The following PRKN variants were observed in gnomAD, a reference collection of about 807,000 sequenced individuals.
PRKN encodes the protein E3 ubiquitin-protein ligase parkin.
In PRKN, 56 loss-of-function variants were observed where a neutral mutation model predicts 59.5. That is an observed-to-expected ratio of 0.94 (90% CI 0.76 to 1.18). PRKN has a LOEUF of 1.18. PRKN is among the 50% of genes most tolerant of loss of function. PRKN has a pLI of 0.00. For synonymous variants in PRKN, 250 were observed against 222.1 expected (o/e 1.13, Z -1.12); for missense variants, 657 against 596.4 (o/e 1.10, Z -1.06).
intron 2 of PRKN, among the ~76,000 whole-genome samples, chr6:162,435,967 AC>A (rs1223585308): frequency 6.6e-6 from 1 of 152,038 alleles, no homozygotes; most frequent in East Asian, 1.9e-4. Flanking sequence ...CTAAATTGAT[AC>A]TAGCCTCTTT....
At chr6:162,676,389 T>G (rs1779544719) in intron 1 of PRKN, among the ~76,000 whole-genome samples, 1 of 152,176 alleles carries the variant, frequency 6.6e-6, no homozygotes, top group African/African-American at 2.4e-5. Context: ...AAATAAAACT[T>G]TATTGTCAGA....
At chr6:162,235,093 A>G (rs1778591533) in intron 3 of PRKN, among the ~76,000 whole-genome samples, 1 of 152,182 alleles carries the variant, frequency 6.6e-6, no homozygotes, top group African/African-American at 2.4e-5. Context: ...TACAAAGGAA[A>G]CTAGCTGAAT....
intron 4 of PRKN, among the ~76,000 whole-genome samples, chr6:162,106,799 G>A (rs1780210220): frequency 1.3e-5 from 2 of 152,260 alleles, no homozygotes; most frequent in East Asian, 1.9e-4. Context: ...GTCATTTCCT[G>A]TGTTACTCAG....
intron 6 of PRKN, among the ~76,000 whole-genome samples, chr6:161,922,934 C>T (rs149182319): frequency 3.9e-4 from 60 of 152,322 alleles, no homozygotes; most frequent in African/African-American, 1.0e-3. Flanking sequence ...TCATATTTCA[C>T]AATTGCAGTT....
chr6:162,047,306 A>G (rs1784289828), intron 5 of PRKN, among the ~76,000 whole-genome samples: 2 of 152,166 alleles, frequency 1.3e-5, no homozygotes, highest in Non-Finnish European at 2.9e-5. Flanking sequence ...CTTTGACCAC[A>G]GTGGGACCCC....
intron 4 of PRKN, among the ~76,000 whole-genome samples, chr6:162,102,110 G>A (rs1262751518): frequency 2.6e-5 from 4 of 152,152 alleles, no homozygotes; most frequent in Admixed American, 1.3e-4. Flanking sequence ...GTGCCACGGT[G>A]GTTTGCTGCC....
At chr6:161,779,413 C>CTTTTTTTT (rs1049372571) in intron 7 of PRKN, among the ~76,000 whole-genome samples, 1 of 90,908 alleles carries the variant, frequency 1.1e-5, no homozygotes, top group Admixed American at 1.1e-4. Context: ...CCTTTCTTTT[C>CTTTTTTTT]TTTTTTTTCT....
rs1014636403 is a variant in PRKN, at chr6:161,545,730, T to G, written c.1083+3124A>C. ...ATATATGCTATAGGGAGCCCACAGATGTAGCTTTAGATTTTCTAGCAGTCA... is the reference window on the plus strand; with the variant it reads ...ATATATGCTATAGGGAGCCCACAGAGGTAGCTTTAGATTTTCTAGCAGTCA... On this transcript the variant is annotated intron_variant, in intron 9 of 11. Transcript: ENST00000366898. This position sits in a 1 kb window ranked among gnomAD's most constrained non-coding sequence, Gnocchi z 4.1. Among the ~76,000 whole-genome samples, 1 of 152,176 alleles carries G rather than the reference T, an allele frequency of 6.6e-6. No homozygotes were observed. Among genetic ancestry groups the G allele is most frequent in the African/African-American group, 2.4e-5 (1 of 41,444 alleles).
At chr6:161,564,802 C>A (rs2115467994) in intron 8 of PRKN, among the ~76,000 whole-genome samples, 1 of 152,276 alleles carries the variant, frequency 6.6e-6, no homozygotes, top group Non-Finnish European at 1.5e-5. Context: ...AGGGGTGGTA[C>A]TCCCAACTCT....
At chr6:161,708,141 A>G (rs1786585611) in intron 7 of PRKN, among the ~76,000 whole-genome samples, 1 of 152,124 alleles carries the variant, frequency 6.6e-6, no homozygotes, top group African/African-American at 2.4e-5. Flanking sequence ...ATAATGATAG[A>G]ATTAGTGAAT....
chr6:161,746,197 C>T (rs1042669392), intron 7 of PRKN, among the ~76,000 whole-genome samples: 1 of 152,164 alleles, frequency 6.6e-6, no homozygotes, highest in African/African-American at 2.4e-5. Context: ...ATACAAGTCT[C>T]TCTGTTGCCA....
intron 1 of PRKN, among the ~76,000 whole-genome samples, chr6:162,545,797 G>A (rs1161940983): frequency 6.6e-6 from 1 of 152,026 alleles, no homozygotes; most frequent in Non-Finnish European, 1.5e-5. Flanking sequence ...AAAATTAATA[G>A]AGAAAATAAG....
chr6:162,300,329 T>C (rs764993053), intron 2 of PRKN, among the ~76,000 whole-genome samples: 11 of 151,988 alleles, frequency 7.2e-5, no homozygotes, highest in Non-Finnish European at 1.3e-4. Context: ...AAAGCTGTCA[T>C]ATTTGCAAAG....
rs75742393 is a variant in PRKN, at chr6:161,685,377, C to A, written c.871+100395G>T. ...GATCCAACAGGATGCACTGCTCCTG[C>A]TGAACAACTAAGAAACGTTATTTTC... On this transcript the variant is annotated intron_variant, in intron 7 of 11. Coordinates refer to ENST00000366898, the MANE Select transcript of PRKN (RefSeq NM_004562.3). 3.8e-3 allele frequency among the ~76,000 whole-genome samples: 582 copies of A among 152,282 alleles called. 5 individuals carry two copies. The highest frequency in any genetic ancestry group is 0.013 in the African/African-American group (549 of 41,576).
intron 9 of PRKN, among the ~76,000 whole-genome samples, chr6:161,516,343 T>G (rs1283728276): frequency 2.6e-5 from 4 of 151,412 alleles, no homozygotes; most frequent in Non-Finnish European, 5.9e-5. Context: ...GGCGGGTGCC[T>G]GTAATTCCAG....
chr6:162,282,272 C>T lies in PRKN; in HGVS notation c.172-19507G>A, dbSNP rs981136333. On this transcript the variant is annotated intron_variant, in intron 2 of 11. Coordinates refer to ENST00000366898, the MANE Select transcript of PRKN (RefSeq NM_004562.3). ...CTCTTAAACATTTTACAACAAAGAT[C>T]CTGTCCATATTACAGTCTTCAAACA... is the stretch of plus-strand genomic sequence containing the variant. Among the ~76,000 whole-genome samples the T allele has an allele frequency of 9.9e-5, 15 of 152,162 alleles. 1 individual carries two copies. The South Asian group carries it at 2.7e-3, about 27-fold the overall frequency.
chr6:162,559,683 A>T (rs1031226307), intron 1 of PRKN, among the ~76,000 whole-genome samples: 17 of 152,180 alleles, frequency 1.1e-4, no homozygotes, highest in African/African-American at 4.1e-4. Flanking sequence ...TAAACAGATA[A>T]ACTATCCATT....
rs2115185507 is a variant in PRKN at position 161,468,645 on chromosome 6, A to C, written c.1083+80209T>G. Among the ~76,000 whole-genome samples, 1 of 152,292 alleles carries C rather than the reference A, an allele frequency of 6.6e-6. No homozygotes were observed. Among genetic ancestry groups the C allele is most frequent in the South Asian group, 2.1e-4 (1 of 4,826 alleles). On this transcript the variant is annotated intron_variant, in intron 9 of 11. Coordinates refer to ENST00000366898, the MANE Select transcript of PRKN (RefSeq NM_004562.3). This position sits in a 1 kb window ranked among gnomAD's most constrained non-coding sequence, Gnocchi z 5.9. ...TTAAGTGAAGGTGTCACCACAGTCT[A>C]AGTTACCATCTCCTGTCCTTGCATC...
rs190808644 is a variant in PRKN, at chr6:162,532,752, C to T, written c.8-89279G>A. Among the ~76,000 whole-genome samples, 283 of 152,278 alleles carry T rather than the reference C, an allele frequency of 1.9e-3. 2 individuals are homozygous for T. Among genetic ancestry groups the T allele is most frequent in the Admixed American group, 5.0e-3 (76 of 15,280 alleles). Reference sequence around the variant, plus strand: ...TTGAACAAAGATTTCTTATCTGTATCGGAAGCAAAACTGAGTATGGTGTTT... The same window carrying T: ...TTGAACAAAGATTTCTTATCTGTATTGGAAGCAAAACTGAGTATGGTGTTT... On this transcript the variant is annotated intron_variant, in intron 1 of 11. Transcript: ENST00000366898.
Sources: allele counts gnomAD v4.1 joint callset (sites outside exome capture counted in the v4.1 genomes callset), GRCh38; gene constraint gnomAD v4.1.1; non-coding constraint Gnocchi (gnomAD v3.1); transcripts MANE v1.5; gene names NCBI Gene and HGNC (gene_info 2026-07-23, HGNC 2026-07-21).